Variants in ST8SIA4 observed in about 807,000 individuals in gnomAD.
ST8SIA4 encodes ST8 alpha-N-acetyl-neuraminide alpha-2,8-sialyltransferase 4.
A neutral mutation model predicts 33.9 loss-of-function variants in ST8SIA4; 15 were observed. The observed-to-expected ratio is 0.44, with a 90% CI of 0.30 to 0.68. The LOEUF (loss-of-function observed/expected upper bound fraction) is 0.68, where lower values mean the gene tolerates loss of function less well. Among genes scored for constraint, ST8SIA4 ranks in the 30% least tolerant of loss-of-function variants. The pLI is 0.10. For missense variants in ST8SIA4, 321 were observed against 428.0 expected, an observed-to-expected ratio of 0.75 and a Z score of 2.21; for synonymous variants, 171 against 151.2, an observed-to-expected ratio of 1.13 and a Z score of -0.96.
rs371315113 is a variant in ST8SIA4 at position 100,848,300 on chromosome 5, C to T, written c.797+7803G>A. ...TTGGCACTATGTTTGACATACAAAA[C>T]GTCTAACAAAGTAACTTGTATAGAA... On this transcript the variant is annotated intron_variant, in intron 4 of 4. Coordinates refer to ENST00000231461, the MANE Select transcript of ST8SIA4 (RefSeq NM_005668.6). 1.6e-3 allele frequency among the ~76,000 whole-genome samples: 235 copies of T among 151,208 alleles called. 4 individuals are homozygous for T. In the South Asian group the frequency reaches 0.037, roughly 24 times the overall value.
chr5:100,831,792 A>T (rs1212909433), intron 4 of ST8SIA4, among the ~76,000 whole-genome samples: 1 of 152,096 alleles, frequency 6.6e-6, no homozygotes, highest in Non-Finnish European at 1.5e-5. Context: ...AGGGGGCTCA[A>T]AAAATATATA....
intron 1 of ST8SIA4, among the ~76,000 whole-genome samples, chr5:100,899,383 A>C (rs1752849169): frequency 6.6e-6 from 1 of 152,236 alleles, no homozygotes. Context: ...TGCAAATTCT[A>C]GATTTCTGCA....
chr5:100,858,263 A>G (rs936140111), intron 3 of ST8SIA4, among the ~76,000 whole-genome samples: 1 of 152,076 alleles, frequency 6.6e-6, no homozygotes, highest in Non-Finnish European at 1.5e-5. Context: ...TAGGTAAAAT[A>G]GGGAGAATAC....
intron 3 of ST8SIA4, among the ~76,000 whole-genome samples, chr5:100,881,060 A>T (rs1210760977): frequency 6.6e-6 from 1 of 152,200 alleles, no homozygotes; most frequent in Non-Finnish European, 1.5e-5. Flanking sequence ...CCACTCTAAA[A>T]TTTCTGATTT....
At chr5:100,844,895 A>G (rs979770682) in intron 4 of ST8SIA4, among the ~76,000 whole-genome samples, 7 of 152,050 alleles carry the variant, frequency 4.6e-5, no homozygotes, top group African/African-American at 1.4e-4. Flanking sequence ...AAGAAACAGA[A>G]ATGACTCTTT....
At chr5:100,820,378 A>G (rs542560757) in intron 4 of ST8SIA4, among the ~76,000 whole-genome samples, 8 of 152,116 alleles carry the variant, frequency 5.3e-5, no homozygotes, top group Admixed American at 3.9e-4. Flanking sequence ...TTACAATATA[A>G]TTTCCACTTT....
At chr5:100,816,016 A>G (rs921931111) in intron 4 of ST8SIA4, among the ~76,000 whole-genome samples, 1 of 152,196 alleles carries the variant, frequency 6.6e-6, no homozygotes, top group African/African-American at 2.4e-5. Context: ...TGGCTGGACA[A>G]TTGTGGTAAC....
chr5:100,902,665 C>G (rs1752946962), intron 1 of ST8SIA4, among the ~76,000 whole-genome samples, 178 bp downstream of exon 1: 1 of 152,202 alleles, frequency 6.6e-6, no homozygotes, highest in African/African-American at 2.4e-5. Flanking sequence ...ATACTGGGAA[C>G]AGCTTAGAGA....
chr5:100,826,981 C>G (rs1445783767), intron 4 of ST8SIA4, among the ~76,000 whole-genome samples: 1 of 151,372 alleles, frequency 6.6e-6, no homozygotes, highest in African/African-American at 2.4e-5. Flanking sequence ...CACACACACA[C>G]ACACATCCCA....
chr5:100,853,715 A>G (rs573601068), intron 4 of ST8SIA4, among the ~76,000 whole-genome samples: 37 of 152,322 alleles, frequency 2.4e-4, no homozygotes, highest in African/African-American at 7.7e-4. Context: ...AAATATCTGT[A>G]AAAACCCATG....
intron 4 of ST8SIA4, among the ~76,000 whole-genome samples, chr5:100,837,668 G>GT (rs1481809040): frequency 6.6e-6 from 1 of 151,892 alleles, no homozygotes; most frequent in Non-Finnish European, 1.5e-5. Flanking sequence ...CATGGTGGGA[G>GT]TATTTACATT....
At chr5:100,896,842 C>A (rs570484551) in intron 1 of ST8SIA4, among the ~76,000 whole-genome samples, 2 of 152,128 alleles carry the variant, frequency 1.3e-5, no homozygotes, top group Non-Finnish European at 2.9e-5. Context: ...TTCATTTTTA[C>A]AGAAGGCATA....
chr5:100,872,089 C>T (rs1752208419), intron 3 of ST8SIA4, among the ~76,000 whole-genome samples: 1 of 151,972 alleles, frequency 6.6e-6, no homozygotes, highest in African/African-American at 2.4e-5. Context: ...TTCTCAACTC[C>T]TACATTAATT....
intron 2 of ST8SIA4, among the ~76,000 whole-genome samples, chr5:100,891,149 G>A (rs1480706783): frequency 5.9e-5 from 9 of 152,026 alleles, no homozygotes; most frequent in Admixed American, 2.6e-4. Context: ...TAATCTAAAT[G>A]ACATTGTTAA....
intron 4 of ST8SIA4, among the ~76,000 whole-genome samples, chr5:100,823,441 T>C (rs1751074955): frequency 3.9e-5 from 6 of 152,232 alleles, no homozygotes; most frequent in Admixed American, 3.9e-4. Flanking sequence ...TTCTTTCCCT[T>C]TACGGACTTG....
intron 4 of ST8SIA4, among the ~76,000 whole-genome samples, chr5:100,812,458 A>T (rs1170896789): frequency 2.6e-5 from 4 of 152,160 alleles, no homozygotes; most frequent in African/African-American, 9.6e-5. Flanking sequence ...CTCAAAAAGG[A>T]TTAAATACAA....
At chr5:100,875,893 CA>C (rs1465387025) in intron 3 of ST8SIA4, among the ~76,000 whole-genome samples, 1 of 152,002 alleles carries the variant, frequency 6.6e-6, no homozygotes. Flanking sequence ...TAGAGGTTCC[CA>C]AATTTACTAA....
Position 100,849,032 on chromosome 5 carries a change from T to A in ST8SIA4, c.797+7071A>T, listed in dbSNP as rs896810233. On this transcript the variant is annotated intron_variant, in intron 4 of 4. Coordinates refer to ENST00000231461, the MANE Select transcript of ST8SIA4 (RefSeq NM_005668.6). ...TGTTGAAACATGTAAAGAATAAATATCAAGAGAAAATGACTTTAAAGAAGA... is the reference window on the plus strand; with the variant it reads ...TGTTGAAACATGTAAAGAATAAATAACAAGAGAAAATGACTTTAAAGAAGA... 148 of 752,770 alleles carry A rather than the reference T, an allele frequency of 2.0e-4. No individual in the cohort carries two copies. The African/African-American group carries it at 2.7e-3, about 14-fold the overall frequency. The allele number at this position is 752,770 out of a possible 1,614,324, so 46.6% of individuals were successfully genotyped here.
At chr5:100,865,617 TTC>T (rs1752044493) in intron 3 of ST8SIA4, among the ~76,000 whole-genome samples, 1 of 152,158 alleles carries the variant, frequency 6.6e-6, no homozygotes, top group African/African-American at 2.4e-5. Context: ...ACCTGTAGTG[TTC>T]TCTTTTCTCT....
Sources: allele counts gnomAD v4.1 joint callset (sites outside exome capture counted in the v4.1 genomes callset), GRCh38; gene constraint gnomAD v4.1.1; transcripts MANE v1.5; gene names NCBI Gene and HGNC (gene_info 2026-07-23, HGNC 2026-07-21).